The following MAN2A1 variants were observed in gnomAD, a reference collection of about 807,000 sequenced individuals.
MAN2A1 encodes mannosidase alpha class 2A member 1, also known as alpha-mannosidase 2.
In MAN2A1, 76 loss-of-function variants were observed where a neutral mutation model predicts 142.6. The ratio of observed to expected loss-of-function variants is 0.53; its 90% CI spans 0.44 to 0.65. The LOEUF is 0.65. Ranked by LOEUF, MAN2A1 falls within the 30% of genes least tolerant of loss-of-function variation. The probability of loss-of-function intolerance (pLI) is 0.00; values close to 1 mark genes in which losing one functional copy is unlikely to be tolerated. For missense variants in MAN2A1, 1,311 were observed against 1,365.1 expected, an observed-to-expected ratio of 0.96 and a Z score of 0.62; for synonymous variants, 559 against 473.2, an observed-to-expected ratio of 1.18 and a Z score of -2.35.
intron 3 of MAN2A1, among the ~76,000 whole-genome samples, chr5:109,722,483 C>G (rs527433564): frequency 6.6e-6 from 1 of 152,126 alleles, no homozygotes; most frequent in South Asian, 2.1e-4. Context: ...GGTGCAATCT[C>G]AGTTCACTGC....
chr5:109,720,569 T>C (rs953184428), intron 3 of MAN2A1, among the ~76,000 whole-genome samples: 8 of 152,216 alleles, frequency 5.3e-5, no homozygotes, highest in Non-Finnish European at 1.2e-4. Flanking sequence ...CATAGTTGGC[T>C]AATATCTCTA....
intron 2 of MAN2A1, among the ~76,000 whole-genome samples, chr5:109,715,555 T>G (rs1751429599): frequency 6.6e-6 from 1 of 151,350 alleles, no homozygotes; most frequent in Admixed American, 6.6e-5. Context: ...TTTTTCTCAA[T>G]TTTTAGATGA....
At chr5:109,746,112 T>C (rs962686411) in intron 4 of MAN2A1, among the ~76,000 whole-genome samples, 1 of 152,158 alleles carries the variant, frequency 6.6e-6, no homozygotes, top group African/African-American at 2.4e-5. Context: ...GTAGCTGGGA[T>C]TACAGGCATG....
rs865895496 is a variant in MAN2A1 at position 109,830,627 on chromosome 5, A to G, written c.2566+6790A>G. Among the ~76,000 whole-genome samples the G allele has an allele frequency of 7.9e-5, 12 of 152,248 alleles. No individual in the cohort carries two copies. In the Middle Eastern group the frequency reaches 0.01, roughly 129 times the overall value. On this transcript the variant is annotated intron_variant, in intron 16 of 21. Transcript: ENST00000261483. ...TAAGATGGTTTGCAATCAATCTCTC[A>G]TTTTTTTCCATAGCTATATTCCATA...
At chr5:109,744,951 A>C (rs539326999) in intron 4 of MAN2A1, among the ~76,000 whole-genome samples, 10 of 152,188 alleles carry the variant, frequency 6.6e-5, no homozygotes, top group Non-Finnish European at 1.3e-4. Context: ...ACTGAAATAC[A>C]CAGTAATATG....
intron 4 of MAN2A1, among the ~76,000 whole-genome samples, chr5:109,745,672 G>T (rs1056217678): frequency 6.6e-6 from 1 of 152,120 alleles, no homozygotes; most frequent in Admixed American, 6.5e-5. Context: ...AGGCTGGAGT[G>T]CAGTGGTACT....
chr5:109,758,910 T>A (rs940550914), intron 5 of MAN2A1, among the ~76,000 whole-genome samples: 5 of 152,052 alleles, frequency 3.3e-5, no homozygotes, highest in African/African-American at 4.8e-5. Flanking sequence ...ACCATAATTA[T>A]GAGAGTTTAT....
intron 12 of MAN2A1, among the ~76,000 whole-genome samples, chr5:109,790,442 A>T (rs1291444913): frequency 1.3e-5 from 2 of 151,944 alleles, no homozygotes; most frequent in African/African-American, 2.4e-5. Context: ...CATAAGGTGT[A>T]TACAGCTTAT....
chr5:109,697,219 G>A (rs1396754171), intron 1 of MAN2A1, among the ~76,000 whole-genome samples: 2 of 152,186 alleles, frequency 1.3e-5, no homozygotes, highest in African/African-American at 2.4e-5. Flanking sequence ...CAGGCAGACT[G>A]TTTACTTTTC....
intron 12 of MAN2A1, among the ~76,000 whole-genome samples, chr5:109,814,957 C>G (rs939020525): frequency 1.3e-5 from 2 of 152,096 alleles, no homozygotes; most frequent in African/African-American, 4.8e-5. Context: ...AGGGCTACTA[C>G]AGAATTAGGA....
At position 109,716,228 on chromosome 5, in the gene MAN2A1, C is replaced by G. The variant is rs754621935; in HGVS notation, c.499C>G (p.Gln167Glu). 1.2e-6 allele frequency: 2 copies of G among 1,609,010 alleles called. No homozygotes were observed. Among genetic ancestry groups the G allele is most frequent in the Admixed American group, 3.4e-5 (2 of 59,612 alleles). The change falls in exon 3 of 22, where the codon CAA (glutamine) becomes GAA (glutamate). Residue 167 changes from glutamine to glutamate, a missense_variant. Transcript: ENST00000261483. ...ESNEWDTEPL[Q>E]VFVVPHSHND... ...TAATGAATGGGACACTGAACCCCTT[C>G]AAGTCTTTGTGGTGCCTCATTCCCA...
intron 12 of MAN2A1, among the ~76,000 whole-genome samples, chr5:109,790,917 C>G (rs1046871906): frequency 6.6e-6 from 1 of 152,024 alleles, no homozygotes; most frequent in East Asian, 1.9e-4. Context: ...TTTAGTTTAT[C>G]TCCTTCCTTC....
chr5:109,751,272 T>A (rs1271283436), intron 4 of MAN2A1, among the ~76,000 whole-genome samples: 2 of 152,130 alleles, frequency 1.3e-5, no homozygotes, highest in Non-Finnish European at 2.9e-5. Context: ...GTGCCTGGCT[T>A]ATTTTGCTTA....
rs191637564 is a variant in MAN2A1, at chr5:109,814,344, G to A, written c.1944-2929G>A. 4.1e-4 allele frequency among the ~76,000 whole-genome samples: 63 copies of A among 152,224 alleles called. 1 individual carries two copies. Among genetic ancestry groups the A allele is most frequent in the Middle Eastern group, 6.8e-3 (2 of 292 alleles). Reference sequence around the variant, plus strand: ...TGGGGATATTGGCAGTATAACAAATGTTTGACTACCAAATGTGATGACAAT... The same window carrying A: ...TGGGGATATTGGCAGTATAACAAATATTTGACTACCAAATGTGATGACAAT... On this transcript the variant is annotated intron_variant, in intron 12 of 21. Coordinates refer to ENST00000261483, the MANE Select transcript of MAN2A1 (RefSeq NM_002372.4).
intron 19 of MAN2A1, chr5:109,854,738 G>A (rs1363189250): frequency 1.3e-5 from 2 of 155,066 alleles, no homozygotes; most frequent in African/African-American, 4.8e-5. Context: ...GAATATGGTG[G>A]ATGAAACCTG....
At chr5:109,837,145 G>A (rs1023518306) in intron 16 of MAN2A1, among the ~76,000 whole-genome samples, 12 of 149,352 alleles carry the variant, frequency 8.0e-5, no homozygotes, top group African/African-American at 3.0e-4. Context: ...TGCCTCCTGG[G>A]CTCACCATTA....
chr5:109,788,663 T>C (rs1753659931), intron 10 of MAN2A1, among the ~76,000 whole-genome samples: 1 of 151,872 alleles, frequency 6.6e-6, no homozygotes, highest in Admixed American at 6.6e-5. Context: ...TTTGGTGCGA[T>C]ATTCATAGAA....
chr5:109,833,146 G>A (rs1268137298), intron 16 of MAN2A1, among the ~76,000 whole-genome samples: 1 of 150,622 alleles, frequency 6.6e-6, no homozygotes, highest in African/African-American at 2.5e-5. Flanking sequence ...ACTTCCCAGA[G>A]GGGATGGCGG....
chr5:109,749,881 T>G (rs1057175088), intron 4 of MAN2A1, among the ~76,000 whole-genome samples: 5 of 152,066 alleles, frequency 3.3e-5, no homozygotes, highest in Non-Finnish European at 5.9e-5. Context: ...AGTAAATTTT[T>G]TTATAGATAC....
Sources: gnomAD v4.1 joint callset for allele counts (sites outside exome capture counted in the v4.1 genomes callset) on GRCh38, gnomAD v4.1.1 for gene constraint, MANE v1.5 for transcripts, NCBI Gene and HGNC (gene_info 2026-07-23, HGNC 2026-07-21) for gene names.